Variants in PRKN observed in about 807,000 individuals in gnomAD.
The protein encoded by PRKN is E3 ubiquitin-protein ligase parkin.
Under a neutral mutation model 59.5 loss-of-function variants are expected in PRKN, and 56 were observed. That is an observed-to-expected ratio of 0.94 (90% CI 0.76 to 1.18). PRKN has a LOEUF of 1.18. PRKN is among the 50% of genes most tolerant of loss of function. The pLI, the probability that PRKN is intolerant of heterozygous loss-of-function variation, is 0.00. For missense variants in PRKN, 657 were observed against 596.4 expected (o/e 1.10, Z -1.06); for synonymous variants, 250 against 222.1 (o/e 1.13, Z -1.12).
rs970445777 is a variant in PRKN, at chr6:161,603,540, G to A, written c.872-34124C>T. 6.6e-5 allele frequency among the ~76,000 whole-genome samples: 10 copies of A among 152,060 alleles called. No homozygotes were observed. The East Asian group carries it at 7.7e-4, about 12-fold the overall frequency. ...CATAAGCTGTTTAAAATTTTAATAC[G>A]CCTTAGTTTATCTTTTAACACTTCT... is the stretch of plus-strand genomic sequence containing the variant. On this transcript the variant is annotated intron_variant, in intron 7 of 11. Coordinates refer to ENST00000366898, the MANE Select transcript of PRKN (RefSeq NM_004562.3).
chr6:162,117,303 G>A (rs1262260136), intron 4 of PRKN, among the ~76,000 whole-genome samples: 2 of 152,194 alleles, frequency 1.3e-5, no homozygotes, highest in African/African-American at 4.8e-5. Flanking sequence ...TGTTCAGGAT[G>A]AGATACCCAA....
At chr6:162,711,701 G>C (rs1778544302) in intron 1 of PRKN, among the ~76,000 whole-genome samples, 1 of 152,216 alleles carries the variant, frequency 6.6e-6, no homozygotes. Context: ...TTCCAATCAA[G>C]TGTAGCAACA....
intron 1 of PRKN, among the ~76,000 whole-genome samples, chr6:162,590,600 G>A (rs549357887): frequency 5.3e-5 from 8 of 151,040 alleles, no homozygotes; most frequent in Admixed American, 1.3e-4. Flanking sequence ...ACCTAAATCA[G>A]TTTCACTAAA....
chr6:161,406,998 G>A (rs896180103), intron 9 of PRKN, among the ~76,000 whole-genome samples: 2 of 152,050 alleles, frequency 1.3e-5, no homozygotes, highest in Admixed American at 6.5e-5. Context: ...CAAGGTTTAG[G>A]CTCGTTGGAT....
rs7745470 is a variant in PRKN, at chr6:161,537,641, C to T, written c.1083+11213G>A. Among the ~76,000 whole-genome samples, 77 of 152,088 alleles carry T rather than the reference C, an allele frequency of 5.1e-4. 2 individuals are homozygous for T. In the Middle Eastern group the frequency reaches 0.014, roughly 27 times the overall value. Reference sequence around the variant, plus strand: ...TAATTTTTTGTGTTTTTAGTAGAGACGGGGTTTCACCATGTTAGCCTGGAT... The same window carrying T: ...TAATTTTTTGTGTTTTTAGTAGAGATGGGGTTTCACCATGTTAGCCTGGAT... On this transcript the variant is annotated intron_variant, in intron 9 of 11. Coordinates refer to ENST00000366898, the MANE Select transcript of PRKN (RefSeq NM_004562.3).
intron 3 of PRKN, among the ~76,000 whole-genome samples, chr6:162,224,459 C>T (rs1324731351): frequency 6.6e-6 from 1 of 152,126 alleles, no homozygotes; most frequent in Non-Finnish European, 1.5e-5. Flanking sequence ...GATGTTCACA[C>T]AATGCCAAGA....
chr6:162,335,004 C>T (rs1023890370), intron 2 of PRKN, among the ~76,000 whole-genome samples: 18 of 151,860 alleles, frequency 1.2e-4, no homozygotes, highest in Admixed American at 1.2e-3. Context: ...AGAGTTGTTT[C>T]TTATGGATGA....
intron 3 of PRKN, among the ~76,000 whole-genome samples, chr6:162,239,713 A>G (rs1391515130): frequency 6.6e-6 from 1 of 152,140 alleles, no homozygotes; most frequent in Non-Finnish European, 1.5e-5. Flanking sequence ...CCCAGGCATT[A>G]CAGTGCAAAG....
chr6:161,532,102 TA>T (rs1201883822), intron 9 of PRKN, among the ~76,000 whole-genome samples: 1 of 151,342 alleles, frequency 6.6e-6, no homozygotes, highest in African/African-American at 2.4e-5. Context: ...TTAGTTCTAT[TA>T]AAAATCAATC....
At chr6:161,990,441 A>G (rs1335638373) in intron 5 of PRKN, among the ~76,000 whole-genome samples, 1 of 152,254 alleles carries the variant, frequency 6.6e-6, no homozygotes, top group East Asian at 1.9e-4. Flanking sequence ...AGCAACTGCT[A>G]CATCAGAGGC....
chr6:162,199,549 G>A (rs1182551312), intron 4 of PRKN, among the ~76,000 whole-genome samples: 2 of 152,124 alleles, frequency 1.3e-5, no homozygotes, highest in Non-Finnish European at 2.9e-5. Context: ...GCACAGATTG[G>A]GGTAGATGAG....
chr6:161,563,058 G>A (rs1780513817), intron 8 of PRKN, among the ~76,000 whole-genome samples: 1 of 151,870 alleles, frequency 6.6e-6, no homozygotes, highest in African/African-American at 2.4e-5. Context: ...ACCTCCTTGG[G>A]GGCACTGGAT....
At chr6:161,941,744 G>A (rs543427066) in intron 6 of PRKN, among the ~76,000 whole-genome samples, 5 of 152,240 alleles carry the variant, frequency 3.3e-5, no homozygotes, top group South Asian at 2.1e-4. Flanking sequence ...TAGAGCAGCC[G>A]GGCACTAAAG....
At chr6:161,994,936 AC>A (rs1781785680) in intron 5 of PRKN, among the ~76,000 whole-genome samples, 2 of 150,644 alleles carry the variant, frequency 1.3e-5, no homozygotes, top group African/African-American at 4.9e-5. Context: ...AAAAAAAAAA[AC>A]AGTCCTAAAA....
At chr6:162,249,099 C>G (rs186781681) in intron 3 of PRKN, among the ~76,000 whole-genome samples, 17 of 152,194 alleles carry the variant, frequency 1.1e-4, no homozygotes, top group African/African-American at 4.1e-4. Flanking sequence ...AGGATGGTCT[C>G]GATCTCTTGA....
chr6:162,140,609 C>T (rs1781735862), intron 4 of PRKN, among the ~76,000 whole-genome samples: 1 of 152,122 alleles, frequency 6.6e-6, no homozygotes, highest in African/African-American at 2.4e-5. Flanking sequence ...TTCCCTTTTA[C>T]AGCAAAGCAA....
intron 6 of PRKN, among the ~76,000 whole-genome samples, chr6:161,882,189 T>C (rs1323100991): frequency 6.6e-6 from 1 of 152,234 alleles, no homozygotes; most frequent in East Asian, 1.9e-4. Context: ...CCTTGAATTA[T>C]GTAAATAACA....
At chr6:161,569,286 A>G (rs2115479662) in intron 8 of PRKN, 69 bp downstream of exon 8, 2 of 1,415,112 alleles carry the variant, frequency 1.4e-6, no homozygotes, top group Admixed American at 1.7e-5. Context: ...CTCCCTGGGG[A>G]GCCCAAACTG....
At chr6:162,468,656 C>G (rs1052223000) in intron 1 of PRKN, among the ~76,000 whole-genome samples, 7 of 152,162 alleles carry the variant, frequency 4.6e-5, no homozygotes, top group African/African-American at 1.7e-4. Context: ...TAAGCATGTT[C>G]AACAGCTCTT....
Sources: allele counts gnomAD v4.1 joint callset (sites outside exome capture counted in the v4.1 genomes callset), GRCh38; gene constraint gnomAD v4.1.1; transcripts MANE v1.5; gene names NCBI Gene and HGNC (gene_info 2026-07-23, HGNC 2026-07-21).